NFAT5: variants seen among roughly 807,000 people sequenced by gnomAD.
The protein encoded by NFAT5 is nuclear factor of activated T-cells 5.
Under a neutral mutation model 166.5 loss-of-function variants are expected in NFAT5, and 31 were observed. That is an observed-to-expected ratio of 0.19 (90% CI 0.14 to 0.25). The LOEUF is 0.25. NFAT5 is among the 10% of genes least tolerant of loss of function. The probability of loss-of-function intolerance (pLI) is 1.00; values close to 1 mark genes in which losing one functional copy is unlikely to be tolerated. For missense variants in NFAT5, 1,449 were observed against 1,821.8 expected (o/e 0.80, Z 3.72); for synonymous variants, 612 against 639.7 (o/e 0.96, Z 0.65).
At chr16:69,573,039 C>T (rs1454788882) in intron 2 of NFAT5, among the ~76,000 whole-genome samples, 1 of 152,154 alleles carries the variant, frequency 6.6e-6, no homozygotes, top group Non-Finnish European at 1.5e-5. Context: ...GACAGGGTTT[C>T]ACCATGTTGG....
In NFAT5 at chr16:69,589,074, A is replaced by G. The variant is rs534483415; in HGVS notation, c.127+20526A>G. Among the ~76,000 whole-genome samples, 3 of 140,168 alleles carry G rather than the reference A, an allele frequency of 2.1e-5. No homozygotes were observed. In the East Asian group the frequency reaches 6.3e-4, roughly 30 times the overall value. 92.0% of individuals were successfully genotyped at this position (140,168 alleles called of 152,430 possible). ...CAATGGCACAATCTTGGCTCACCAC[A>G]ACCTCCACGTCCTGGGTACAAGTGA... On this transcript the variant is annotated intron_variant, in intron 2 of 14. Transcript: ENST00000349945.
chr16:69,667,930 G>C (rs1399596632), intron 7 of NFAT5, among the ~76,000 whole-genome samples: 2 of 151,966 alleles, frequency 1.3e-5, no homozygotes, highest in South Asian at 2.1e-4. Context: ...TTACCCTATA[G>C]GTTCTAGACA....
At chr16:69,601,294 C>T (rs1181739223) in intron 2 of NFAT5, among the ~76,000 whole-genome samples, 1 of 152,146 alleles carries the variant, frequency 6.6e-6, no homozygotes, top group East Asian at 1.9e-4. Flanking sequence ...AGGGATTATA[C>T]ATCTGTTTTA....
At chr16:69,569,469 TA>T (rs1434465317) in intron 2 of NFAT5, among the ~76,000 whole-genome samples, 1 of 152,158 alleles carries the variant, frequency 6.6e-6, no homozygotes, top group East Asian at 1.9e-4. Context: ...CCTAAATATT[TA>T]AGTTTGACTT....
At chr16:69,666,706 A>G (rs1241571665) in intron 7 of NFAT5, among the ~76,000 whole-genome samples, 1 of 151,606 alleles carries the variant, frequency 6.6e-6, no homozygotes, top group Admixed American at 6.6e-5. Context: ...AAATAGGAAC[A>G]CTTTTACACT....
At chr16:69,626,281 G>T in intron 2 of NFAT5, 122 bp from the exon 3 acceptor site, 1 of 841,810 alleles carries the variant, frequency 1.2e-6, no homozygotes, top group East Asian at 3.3e-5. Flanking sequence ...AATTTTGTGG[G>T]ATTGTTTGTG....
At chr16:69,615,953 A>C (rs148169352) in intron 2 of NFAT5, among the ~76,000 whole-genome samples, 45 of 151,542 alleles carry the variant, frequency 3.0e-4, no homozygotes, top group Admixed American at 1.3e-4. Context: ...TTGGTTTCTT[A>C]CTCCCCACTT....
chr16:69,665,454 A>C (rs2036329424), intron 7 of NFAT5, among the ~76,000 whole-genome samples: 1 of 97,338 alleles, frequency 1.0e-5, no homozygotes, highest in Non-Finnish European at 2.0e-5. Flanking sequence ...TTAAGCTGAT[A>C]AGCAACTTCA....
At chr16:69,595,184 A>G (rs994991808) in intron 2 of NFAT5, among the ~76,000 whole-genome samples, 4 of 152,206 alleles carry the variant, frequency 2.6e-5, no homozygotes, top group Admixed American at 2.6e-4. Flanking sequence ...AACTATTAAT[A>G]AATAGAACAA....
At chr16:69,626,366 T>C (rs767563389) in intron 2 of NFAT5, 37 bp from the exon 3 acceptor site, 2 of 1,550,918 alleles carry the variant, frequency 1.3e-6, no homozygotes, top group South Asian at 1.2e-5. Flanking sequence ...GAATCTCTTT[T>C]AAAAATTGTT....
At chr16:69,602,921 T>C (rs2033214579) in intron 2 of NFAT5, among the ~76,000 whole-genome samples, 1 of 152,050 alleles carries the variant, frequency 6.6e-6, no homozygotes, top group Middle Eastern at 3.4e-3. Context: ...TTGGTTATCT[T>C]TTTTTTAACC....
rs2037858145 is a variant in NFAT5, at chr16:69,699,505, A to G, written c.*3154A>G. The G allele has an allele frequency of 6.6e-6, 1 of 152,548 alleles. No homozygotes were observed. The highest frequency in any genetic ancestry group is 2.4e-5 in the African/African-American group (1 of 41,432). The allele number at this position is 152,548 out of a possible 1,614,324, so 9.4% of individuals were successfully genotyped here. On this transcript the variant is annotated 3_prime_UTR_variant, in exon 15 of 15. Coordinates refer to ENST00000349945, the MANE Select transcript of NFAT5 (RefSeq NM_138713.4). The stretch of plus-strand genomic sequence containing the variant: ...TTTTTTACATTGTTAAATGTTCCTT[A>G]CCCCTAAAGGTCAATGTTAAGTACA...
At chr16:69,687,351 G>A (rs948018583) in intron 11 of NFAT5, among the ~76,000 whole-genome samples, 2 of 146,152 alleles carry the variant, frequency 1.4e-5, no homozygotes, top group African/African-American at 5.1e-5. Flanking sequence ...TGAGACAGGA[G>A]AATCGCTTGA....
At chr16:69,597,944 G>A (rs1567529240) in intron 2 of NFAT5, among the ~76,000 whole-genome samples, 1 of 152,122 alleles carries the variant, frequency 6.6e-6, no homozygotes, top group Non-Finnish European at 1.5e-5. Flanking sequence ...ACCCTTGCTA[G>A]GCCTTAGTAA....
At chr16:69,635,957 A>G (rs770044777) in intron 3 of NFAT5, among the ~76,000 whole-genome samples, 1 of 152,092 alleles carries the variant, frequency 6.6e-6, no homozygotes, top group Admixed American at 6.6e-5. Flanking sequence ...CCAAAAGTCT[A>G]CCAGTCCAAA....
intron 11 of NFAT5, chr16:69,685,188 A>AT (rs1461417627): frequency 0.019 from 1,740 of 93,434 alleles, 35 homozygotes; most frequent in African/African-American, 0.06. Flanking sequence ...ATATATATAT[A>AT]TATTTTTTTT....
intron 2 of NFAT5, among the ~76,000 whole-genome samples, chr16:69,601,800 T>G (rs1227221537): frequency 6.6e-6 from 1 of 152,236 alleles, no homozygotes; most frequent in Non-Finnish European, 1.5e-5. Flanking sequence ...CCCCCTGTAC[T>G]GGTATGAGTA....
rs763682833 is a variant in NFAT5 at position 69,693,377 on chromosome 16, A to C, written c.3552A>C (p.Ser1184=). The C allele has an allele frequency of 6.2e-7, 1 of 1,614,180 alleles. No homozygotes were observed. The highest frequency in any genetic ancestry group is 8.5e-7 in the Non-Finnish European group (1 of 1,180,030). ...AAGCATTTTTTGCAGCACCGAACTC[A>C]ATTTCTCCACTTCAGTCAACATCAA... is the stretch of plus-strand genomic sequence containing the variant. The part of the protein sequence containing the change: ...AQEAFFAAPN[S]ISPLQSTSNS... Residue 1184 remains serine (S), a synonymous_variant, in exon 13 of 15, where the codon TCA becomes TCC. Transcript: ENST00000349945.
intron 3 of NFAT5, among the ~76,000 whole-genome samples, chr16:69,627,168 A>C (rs1288468366): frequency 6.6e-6 from 1 of 151,352 alleles, no homozygotes; most frequent in Non-Finnish European, 1.5e-5. Flanking sequence ...CAATTGGCTC[A>C]AATTTTTATT....
Sources: gnomAD v4.1 joint callset for allele counts (sites outside exome capture counted in the v4.1 genomes callset) on GRCh38, gnomAD v4.1.1 for gene constraint, MANE v1.5 for transcripts, NCBI Gene and HGNC (gene_info 2026-07-23, HGNC 2026-07-21) for gene names.